KCNMA1: variants seen among roughly 807,000 people sequenced by gnomAD.
KCNMA1 encodes the protein Calcium-activated potassium channel subunit alpha-1.
KCNMA1 carries 29 observed loss-of-function variants against 140.0 expected under a neutral mutation model. The ratio of observed to expected loss-of-function variants is 0.21; its 90% confidence interval spans 0.15 to 0.28. The LOEUF is 0.28. KCNMA1 is among the 10% of genes least tolerant of loss of function. The pLI is 1.00. For missense variants in KCNMA1, 880 were observed against 1,602.2 expected (o/e 0.55, Z 7.70); for synonymous variants, 612 against 611.9 (o/e 1.00, Z 0.00).
intron 1 of KCNMA1, among the ~76,000 whole-genome samples, chr10:77,608,748 C>T (rs1030085971): frequency 6.6e-6 from 1 of 152,216 alleles, no homozygotes; most frequent in African/African-American, 2.4e-5. Context: ...CTGCCCAGAA[C>T]TGCTTTATTT....
chr10:77,281,306 C>G (rs1433318287), intron 2 of KCNMA1, among the ~76,000 whole-genome samples: 1 of 152,132 alleles, frequency 6.6e-6, no homozygotes, highest in Non-Finnish European at 1.5e-5. Flanking sequence ...AAGTACTCTC[C>G]CCTCTGGCTG....
intron 1 of KCNMA1, among the ~76,000 whole-genome samples, chr10:77,555,718 G>A (rs1298581712): frequency 6.6e-6 from 1 of 152,120 alleles, no homozygotes; most frequent in African/African-American, 2.4e-5. Flanking sequence ...AGAGAACATG[G>A]TACAATACTT....
intron 9 of KCNMA1, among the ~76,000 whole-genome samples, chr10:77,092,656 G>A (rs1253633195): frequency 1.3e-5 from 2 of 152,188 alleles, no homozygotes; most frequent in African/African-American, 4.8e-5. Context: ...GAAGCTGAGA[G>A]GTTAATACCA....
At chr10:77,289,391 C>T (rs940308116) in intron 2 of KCNMA1, among the ~76,000 whole-genome samples, 1 of 152,162 alleles carries the variant, frequency 6.6e-6, no homozygotes, top group African/African-American at 2.4e-5. Context: ...CTCCAGCCGG[C>T]GTCCCTCCAG....
chr10:77,346,329 G>A (rs1219377446), intron 2 of KCNMA1, among the ~76,000 whole-genome samples: 1 of 152,112 alleles, frequency 6.6e-6, no homozygotes, highest in Non-Finnish European at 1.5e-5. Flanking sequence ...TCTTCCCCTT[G>A]ATTCTGAAAG....
chr10:76,884,712 G>A (rs1418122382), downstream of KCNMA1, among the ~76,000 whole-genome samples: 1 of 151,364 alleles, frequency 6.6e-6, no homozygotes, highest in East Asian at 2.0e-4. Context: ...AGCGATAGCA[G>A]CAGCACAGCC....
intron 3 of KCNMA1, among the ~76,000 whole-genome samples, chr10:77,189,089 C>T (rs979964461): frequency 2.6e-5 from 4 of 152,096 alleles, no homozygotes; most frequent in Admixed American, 6.6e-5. Flanking sequence ...GGCTCCATCC[C>T]CAGTTTCTGA....
chr10:77,085,070 C>A (rs543947777), intron 11 of KCNMA1, among the ~76,000 whole-genome samples: 3 of 152,324 alleles, frequency 2.0e-5, no homozygotes, highest in African/African-American at 7.2e-5. Context: ...GCACCATCAT[C>A]CTAATTCTTC....
At chr10:76,893,900 T>C (rs1225246711) in intron 25 of KCNMA1, among the ~76,000 whole-genome samples, 1 of 152,186 alleles carries the variant, frequency 6.6e-6, no homozygotes, top group Non-Finnish European at 1.5e-5. Flanking sequence ...TTTATTAAGA[T>C]GGAATACTAC....
intron 5 of KCNMA1, among the ~76,000 whole-genome samples, chr10:77,168,801 T>C (rs1246239850): frequency 1.3e-5 from 2 of 152,130 alleles, no homozygotes; most frequent in Admixed American, 6.5e-5. Context: ...TGCCAGACAT[T>C]TAGAGGAATA....
At chr10:77,081,102 C>T (rs543372875) in intron 12 of KCNMA1, among the ~76,000 whole-genome samples, 163 of 152,194 alleles carry the variant, frequency 1.1e-3, no homozygotes, top group African/African-American at 3.7e-3. Context: ...ACGTGTCCTC[C>T]CCACATCAAT....
chr10:77,421,271 T>G (rs928574420), intron 1 of KCNMA1, among the ~76,000 whole-genome samples: 8 of 152,156 alleles, frequency 5.3e-5, no homozygotes, highest in African/African-American at 1.9e-4. Context: ...ATATTTAAGA[T>G]CTCTCCCCAG....
intron 25 of KCNMA1, among the ~76,000 whole-genome samples, chr10:76,893,555 C>T (rs1056095877): frequency 1.3e-5 from 2 of 151,944 alleles, no homozygotes; most frequent in South Asian, 2.1e-4. Context: ...GGCTGGCCAA[C>T]GTGGTGAATC....
intron 1 of KCNMA1, among the ~76,000 whole-genome samples, chr10:77,552,791 G>T (rs1312688967): frequency 1.3e-5 from 2 of 152,228 alleles, no homozygotes; most frequent in Non-Finnish European, 2.9e-5. Flanking sequence ...GCTCACGCCT[G>T]TAATCTCAGC....
chr10:77,488,009 G>T (rs904265371), intron 1 of KCNMA1, among the ~76,000 whole-genome samples: 5 of 152,134 alleles, frequency 3.3e-5, no homozygotes, highest in Non-Finnish European at 7.3e-5. Context: ...TGCAATATGG[G>T]TTAACTGTCC....
chr10:77,442,224 T>G (rs2097421703), intron 1 of KCNMA1, among the ~76,000 whole-genome samples: 1 of 151,868 alleles, frequency 6.6e-6, no homozygotes, highest in Admixed American at 6.6e-5. Flanking sequence ...CCCACCCCAT[T>G]CCCAGGCGAG....
chr10:77,012,296 T>C (rs2153455323), intron 17 of KCNMA1: 5 of 1,462,302 alleles, frequency 3.4e-6, no homozygotes, highest in Non-Finnish European at 4.5e-6. Flanking sequence ...GGGAAAAAAG[T>C]TGCTGATGTG....
At chr10:77,060,739 G>T (rs1595012361) in intron 14 of KCNMA1, among the ~76,000 whole-genome samples, 3 of 152,152 alleles carry the variant, frequency 2.0e-5, no homozygotes, top group African/African-American at 7.2e-5. Flanking sequence ...GTGATAGGAA[G>T]GTTATCTAAG....
chr10:77,358,573 C>G (rs909802272), intron 2 of KCNMA1, among the ~76,000 whole-genome samples: 2 of 152,102 alleles, frequency 1.3e-5, no homozygotes, highest in Non-Finnish European at 2.9e-5. Flanking sequence ...GCCCAGAGGG[C>G]CTGACCCTCT....
Sources: gnomAD v4.1 joint callset for allele counts (sites outside exome capture counted in the v4.1 genomes callset) on GRCh38, gnomAD v4.1.1 for gene constraint, MANE v1.5 for transcripts, NCBI Gene and HGNC (gene_info 2026-07-23, HGNC 2026-07-21) for gene names.